C2CD2L: variants seen among roughly 807,000 people sequenced by gnomAD.
C2CD2L encodes the protein phospholipid transfer protein C2CD2L.
Under a neutral mutation model 69.9 loss-of-function variants are expected in C2CD2L, and 24 were observed. That is an observed-to-expected ratio of 0.34 (90% CI 0.25 to 0.48). C2CD2L has a LOEUF of 0.48. Among genes scored for constraint, C2CD2L ranks in the 20% least tolerant of loss-of-function variants. The pLI is 0.99. For synonymous variants in C2CD2L, 367 were observed against 391.0 expected, an observed-to-expected ratio of 0.94 and a Z score of 0.72; for missense variants, 811 against 941.5, an observed-to-expected ratio of 0.86 and a Z score of 1.81.
At chr11:119,113,130 C>T (rs1946794560) in intron 10 of C2CD2L, 2 of 547,888 alleles carry the variant, frequency 3.7e-6, no homozygotes, top group Non-Finnish European at 6.5e-6. Flanking sequence ...AGGACTGTTG[C>T]ACTCCTACCT....
Position 119,114,216 on chromosome 11 carries a change from C to T in C2CD2L, c.1760C>T (p.Pro587Leu), listed in dbSNP as rs376876723. 57 of 1,614,014 alleles carry T rather than the reference C, an allele frequency of 3.5e-5. No homozygotes were observed. Among genetic ancestry groups the T allele is most frequent in the Admixed American group, 8.3e-5 (5 of 60,006 alleles). Residue 587 changes from proline to leucine, a missense_variant, in exon 13 of 14, where the codon CCG (proline) becomes CTG (leucine). Physicochemically the swap from Pro to Leu is moderately conservative, Grantham distance 98. Coordinates refer to ENST00000648610, the MANE Select transcript of C2CD2L (RefSeq NM_001290474.2). This position sits in a 1 kb window ranked among gnomAD's most constrained non-coding sequence, Gnocchi z 5.1. ...GACCCACCAGCCATGTCTCCAGGAC[C>T]GCTAGATGCCCTCTCTAGTCCCACA... ...PSDPPAMSPG[P>L]LDALSSPTSV...
In C2CD2L at chr11:119,110,190, G is replaced by A; in HGVS notation, c.441G>A (p.Glu147=). ...ISHVTCVDQS[E]HTMVLRCQLS... is the part of the protein sequence containing the mutation. Reference sequence around the variant, plus strand: ...ATGTGACCTGCGTAGACCAATCTGAGCATACCATGGTAAGGGTCTGATGGG... The same window carrying A: ...ATGTGACCTGCGTAGACCAATCTGAACATACCATGGTAAGGGTCTGATGGG... Residue 147 remains glutamate (E), a synonymous_variant, in exon 2 of 14, where the codon GAG becomes GAA. Coordinates refer to ENST00000648610, the MANE Select transcript of C2CD2L (RefSeq NM_001290474.2). The surrounding 1 kb of genome is among the most constrained non-coding windows in gnomAD (Gnocchi z 5.7). 1.9e-6 allele frequency: 3 copies of A among 1,611,882 alleles called. No individual in the cohort carries two copies. Among genetic ancestry groups the A allele is most frequent in the Non-Finnish European group, 2.5e-6 (3 of 1,177,978 alleles).
At chr11:119,104,717 C>T (rs370154797), upstream of C2CD2L, among the ~76,000 whole-genome samples, 1 of 152,208 alleles carries the variant, frequency 6.6e-6, no homozygotes, top group Admixed American at 6.5e-5. Flanking sequence ...AGATGCACAC[C>T]TCTTCTAAGT....
At position 119,107,953 on chromosome 11, in the gene C2CD2L, G is replaced by T; in HGVS notation, c.212G>T (p.Arg71Leu). The change falls in exon 1 of 14, where the codon CGG becomes CTG. Residue 71 changes from arginine (R) to leucine (L), a missense_variant. Coordinates refer to ENST00000648610, the MANE Select transcript of C2CD2L (RefSeq NM_001290474.2). This position sits in a 1 kb window ranked among gnomAD's most constrained non-coding sequence, Gnocchi z 5.4. ...CTGGGCGTGTGGCGCTCGCTGCTGCGGCTGCGGGCGACTCGGGCTGGCGCC... is the reference window on the plus strand; with the variant it reads ...CTGGGCGTGTGGCGCTCGCTGCTGCTGCTGCGGGCGACTCGGGCTGGCGCC... Reference protein sequence around the residue: ...RELGVWRSLLRLRATRAGAAE... With the variant: ...RELGVWRSLLLLRATRAGAAE... 6.5e-7 allele frequency: 1 copy of T among 1,548,972 alleles called. No individual in the cohort carries two copies. Among genetic ancestry groups the T allele is most frequent in the Non-Finnish European group, 8.7e-7 (1 of 1,155,314 alleles).
upstream of C2CD2L, among the ~76,000 whole-genome samples, chr11:119,105,373 T>C (rs1215305828): frequency 6.6e-6 from 1 of 152,166 alleles, no homozygotes; most frequent in African/African-American, 2.4e-5. Context: ...GCACAGTGGC[T>C]CTCACCTGTA....
At position 119,110,409 on chromosome 11, in the gene C2CD2L, C is replaced by A; in HGVS notation, c.451-152C>A. On this transcript the variant is annotated intron_variant, in intron 2 of 13. Coordinates refer to ENST00000648610, the MANE Select transcript of C2CD2L (RefSeq NM_001290474.2). The surrounding 1 kb of genome is among the most constrained non-coding windows in gnomAD (Gnocchi z 5.7). ...TTTTTCTGGGGAGAGGAGTCTTTGGCATTTATCTGATTCTTTTAGGGATTT... is the reference window on the plus strand; with the variant it reads ...TTTTTCTGGGGAGAGGAGTCTTTGGAATTTATCTGATTCTTTTAGGGATTT... 5.2e-6 allele frequency: 5 copies of A among 969,504 alleles called. No individual in the cohort carries two copies. Among genetic ancestry groups the A allele is most frequent in the South Asian group, 1.7e-5 (1 of 58,350 alleles). The allele number at this position is 969,504 out of a possible 1,614,324, so 60.1% of individuals were successfully genotyped here. A position where few individuals can be genotyped will look rare whatever the true frequency, so the allele number is the denominator to read the frequency against.
chr11:119,111,805 A>T, intron 7 of C2CD2L, 176 bp downstream of exon 7: 1 of 577,144 alleles, frequency 1.7e-6, no homozygotes, highest in Non-Finnish European at 3.1e-6. Flanking sequence ...TACAGCCCCC[A>T]CCCCTGGGTC....
intron 5 of C2CD2L, 34 bp from the exon 6 acceptor site, chr11:119,111,229 G>T (rs1437267135): frequency 4.3e-6 from 7 of 1,612,222 alleles, no homozygotes; most frequent in Non-Finnish European, 5.9e-6. Flanking sequence ...GCTATGTCAG[G>T]ATTCTTGCTC....
chr11:119,107,610 C>T lies in C2CD2L; in HGVS notation c.-132C>T, dbSNP rs1946619641. On this transcript the variant is annotated 5_prime_UTR_variant, in exon 1 of 14. Transcript: ENST00000648610. The surrounding 1 kb of genome is among the most constrained non-coding windows in gnomAD (Gnocchi z 5.4). Reference sequence around the variant, plus strand: ...CACCCACTAGTCCTGGGCACTCAGCCGCGGAGAGCCCCCGACCCCGCGCGC... The same window carrying T: ...CACCCACTAGTCCTGGGCACTCAGCTGCGGAGAGCCCCCGACCCCGCGCGC... The T allele has an allele frequency of 1.4e-5, 7 of 492,380 alleles. No individual in the cohort carries two copies. In the South Asian group the frequency reaches 2.5e-4, roughly 18 times the overall value. The allele number at this position is 492,380 out of a possible 1,614,324, so 30.5% of individuals were successfully genotyped here. A position where few individuals can be genotyped will look rare whatever the true frequency, so the allele number is the denominator to read the frequency against.
rs1274944598 is a variant in C2CD2L, at chr11:119,109,988, A to G, written c.355-116A>G. Reference sequence around the variant, plus strand: ...AAGCCCTGAGCCAAGGAGGGGCCAGAAGCCAGCCTGCAGCTGAGGCCTCCG... The same window carrying G: ...AAGCCCTGAGCCAAGGAGGGGCCAGGAGCCAGCCTGCAGCTGAGGCCTCCG... On this transcript the variant is annotated intron_variant, in intron 1 of 13. Transcript: ENST00000648610. The surrounding 1 kb of genome is among the most constrained non-coding windows in gnomAD (Gnocchi z 5.1). 5.2e-6 allele frequency: 4 copies of G among 762,946 alleles called. No homozygotes were observed. Among genetic ancestry groups the G allele is most frequent in the Non-Finnish European group, 9.3e-6 (4 of 430,390 alleles). The allele number at this position is 762,946 out of a possible 1,614,324, so 47.3% of individuals were successfully genotyped here.
At chr11:119,111,228 G>C (rs748416291) in intron 5 of C2CD2L, 35 bp from the exon 6 acceptor site, 1 of 1,612,092 alleles carries the variant, frequency 6.2e-7, no homozygotes, top group Admixed American at 1.7e-5. Flanking sequence ...TGCTATGTCA[G>C]GATTCTTGCT....
At chr11:119,111,959 A>G in intron 7 of C2CD2L, 1 of 444,598 alleles carries the variant, frequency 2.2e-6, no homozygotes. Flanking sequence ...AGTAGGCTTC[A>G]TGGAGGAGAT....
chr11:119,108,634 C>T (rs370993811), intron 1 of C2CD2L, among the ~76,000 whole-genome samples: 6 of 152,300 alleles, frequency 3.9e-5, no homozygotes, highest in African/African-American at 1.4e-4. Flanking sequence ...AGGTGGAGAG[C>T]AGATTGACAG....
In C2CD2L at chr11:119,116,798, C is replaced by G. The variant is rs1946903770; in HGVS notation, c.*542C>G. 1 of 155,620 alleles carries G rather than the reference C, an allele frequency of 6.4e-6. No homozygotes were observed. The highest frequency in any genetic ancestry group is 2.4e-5 in the African/African-American group (1 of 41,478). 9.6% of individuals were successfully genotyped at this position (155,620 alleles called of 1,614,324 possible). A position where few individuals can be genotyped will look rare whatever the true frequency, so the allele number is the denominator to read the frequency against. On this transcript the variant is annotated 3_prime_UTR_variant, in exon 14 of 14. Transcript: ENST00000648610. ...TGCCTCTGAGAATGTTGGCAGCTCA[C>G]AGAGAGCAGGGCCGGCCCGGGATGG...
In C2CD2L at chr11:119,110,879, G is replaced by C. The variant is rs1278601012; in HGVS notation, c.603G>C (p.Glu201Asp). The change falls in exon 4 of 14, where the codon GAG (glutamate) becomes GAC (aspartate). Residue 201 changes from glutamate (E) to aspartate (D), a missense_variant. Physicochemically the swap from Glu to Asp is conservative, Grantham distance 45. Coordinates refer to ENST00000648610, the MANE Select transcript of C2CD2L (RefSeq NM_001290474.2). This position sits in a 1 kb window ranked among gnomAD's most constrained non-coding sequence, Gnocchi z 5.7. Reference sequence around the variant, plus strand: ...TCAACCTGGAGGAAATCCCTGGTGAGGGGCTGCTCATATCCTGGGCCTTCA... The same window carrying C: ...TCAACCTGGAGGAAATCCCTGGTGACGGGCTGCTCATATCCTGGGCCTTCA... ...LEVNLEEIPG[E>D]GLLISWAFTD... The C allele has an allele frequency of 3.1e-6, 5 of 1,614,018 alleles. No homozygotes were observed. The highest frequency in any genetic ancestry group is 4.2e-6 in the Non-Finnish European group (5 of 1,179,992).
Position 119,113,928 on chromosome 11 carries a change from G to C in C2CD2L, c.1563G>C (p.Gly521=), listed in dbSNP as rs746150344. Residue 521 remains glycine, a synonymous_variant, in exon 12 of 14, where the codon GGG becomes GGC. Coordinates refer to ENST00000648610, the MANE Select transcript of C2CD2L (RefSeq NM_001290474.2). ...TTCGCCAGCTGACAGAGCCCAGTGGGCGGGTGGCCAAGAAGACACCCACCA... is the reference window on the plus strand; with the variant it reads ...TTCGCCAGCTGACAGAGCCCAGTGGCCGGGTGGCCAAGAAGACACCCACCA... ...TAIRQLTEPS[G]RVAKKTPTKR... 13 of 1,614,096 alleles carry C rather than the reference G, an allele frequency of 8.1e-6. No homozygotes were observed. In the South Asian group the frequency reaches 1.3e-4, roughly 16 times the overall value.
At chr11:119,103,806 C>T (rs146009499), upstream of C2CD2L, among the ~76,000 whole-genome samples, 353 of 152,340 alleles carry the variant, frequency 2.3e-3, 1 homozygote, top group African/African-American at 8.2e-3. Flanking sequence ...CATAAATTTT[C>T]GTAATTTACT....
chr11:119,112,763 A>G lies in C2CD2L; in HGVS notation c.1276A>G (p.Ser426Gly). 1 of 1,614,062 alleles carries G rather than the reference A, an allele frequency of 6.2e-7. No homozygotes were observed. Among genetic ancestry groups the G allele is most frequent in the Non-Finnish European group, 8.5e-7 (1 of 1,179,948 alleles). Residue 426 changes from serine to glycine, a missense_variant, in exon 10 of 14, where the codon AGC (serine) becomes GGC (glycine). Coordinates refer to ENST00000648610, the MANE Select transcript of C2CD2L (RefSeq NM_001290474.2). ...TCCCACCTCCTCCACTCCACGCCCC[A>G]GCATCACACCTACCAAGAAGATTGA... ...GTPTSSTPRP[S>G]ITPTKKIELD...
intron 13 of C2CD2L, chr11:119,115,103 A>T (rs1946851118): frequency 6.6e-6 from 1 of 152,060 alleles, no homozygotes; most frequent in Admixed American, 6.6e-5. Flanking sequence ...AAAAATACAA[A>T]CATTAGCCAG....
Sources: gnomAD v4.1 joint callset for allele counts (sites outside exome capture counted in the v4.1 genomes callset) on GRCh38, gnomAD v4.1.1 for gene constraint, Gnocchi (gnomAD v3.1) non-coding constraint, MANE v1.5 for transcripts, NCBI Gene and HGNC (gene_info 2026-07-23, HGNC 2026-07-21) for gene names.